The following SLC9A6 variants were observed in gnomAD, a reference collection of about 807,000 sequenced individuals.
SLC9A6 encodes sodium/hydrogen exchanger 6.
A neutral mutation model predicts 45.3 loss-of-function variants in SLC9A6; 6 were observed. The ratio of observed to expected loss-of-function variants is 0.13; its 90% confidence interval spans 0.07 to 0.26. The LOEUF (loss-of-function observed/expected upper bound fraction) is 0.26, where lower values mean the gene tolerates loss of function less well. SLC9A6 is among the 10% of genes least tolerant of loss of function. The probability of loss-of-function intolerance (pLI) is 1.00; values close to 1 mark genes in which losing one functional copy is unlikely to be tolerated. For missense variants in SLC9A6, 278 were observed against 503.7 expected, an observed-to-expected ratio of 0.55 and a Z score of 4.29; for synonymous variants, 191 against 187.7, an observed-to-expected ratio of 1.02 and a Z score of -0.14.
chrX:135,977,621 T>C (rs1393696608), intron 1 of SLC9A6, among the ~76,000 whole-genome samples: 1 of 112,090 alleles, frequency 8.9e-6, no homozygotes, highest in Non-Finnish European at 1.9e-5. Flanking sequence ...TTATATTTCG[T>C]ACAACCTCTC....
intron 10 of SLC9A6, among the ~76,000 whole-genome samples, chrX:136,015,093 G>C (rs1424418623): frequency 9.0e-6 from 1 of 111,213 alleles, no homozygotes; most frequent in Non-Finnish European, 1.9e-5. Context: ...CCAGCCCTCC[G>C]GCCACATCCG....
At chrX:135,993,589 G>A (rs148915608) in intron 2 of SLC9A6, among the ~76,000 whole-genome samples, 1 of 111,260 alleles carries the variant, frequency 9.0e-6, no homozygotes, top group Non-Finnish European at 1.9e-5. Context: ...TTCGACCTTG[G>A]TCAGGAGCCT....
chrX:135,979,480 T>C (rs1346815806), intron 1 of SLC9A6, among the ~76,000 whole-genome samples: 2 of 111,628 alleles, frequency 1.8e-5, no homozygotes, highest in African/African-American at 3.3e-5. Flanking sequence ...CTGTCCATAG[T>C]TGAGCTCTAC....
At chrX:136,013,938 C>T (rs974514239) in intron 10 of SLC9A6, among the ~76,000 whole-genome samples, 6 of 112,198 alleles carry the variant, frequency 5.3e-5, no homozygotes, top group Non-Finnish European at 7.5e-5. Context: ...TCCTTCAGTC[C>T]GCTCAGGTGC....
chrX:135,995,733 C>T (rs782031703), intron 3 of SLC9A6, among the ~76,000 whole-genome samples: 16 of 111,602 alleles, frequency 1.4e-4, no homozygotes, highest in South Asian at 7.4e-4. Context: ...TATTCTATAC[C>T]GATCACAATT....
intron 8 of SLC9A6, among the ~76,000 whole-genome samples, chrX:136,012,118 C>G (rs1038985760): frequency 1.8e-5 from 2 of 112,752 alleles, no homozygotes; most frequent in Non-Finnish European, 3.8e-5. Context: ...AAAAAAGTTT[C>G]CAGCTCTAAA....
At chrX:135,982,045 CTT>C (rs781892132), upstream of SLC9A6, among the ~76,000 whole-genome samples, 25 of 112,446 alleles carry the variant, frequency 2.2e-4, no homozygotes, top group Non-Finnish European at 3.9e-4. Flanking sequence ...TTTCATATCA[CTT>C]TCACATGTCA....
intron 2 of SLC9A6, among the ~76,000 whole-genome samples, chrX:135,988,513 TC>T (rs782333197): frequency 1.9e-5 from 2 of 105,746 alleles, no homozygotes; most frequent in African/African-American, 6.9e-5. Flanking sequence ...TTTCTTTCTT[TC>T]TCTCTCTTTC....
At chrX:135,977,830 CAG>C (rs2089269688) in intron 1 of SLC9A6, among the ~76,000 whole-genome samples, 1 of 111,439 alleles carries the variant, frequency 9.0e-6, no homozygotes, top group African/African-American at 3.3e-5. Flanking sequence ...TCTGAGTAAA[CAG>C]TACTGTGGTT....
At chrX:135,974,398 G>C (rs1361270174), upstream of SLC9A6, among the ~76,000 whole-genome samples, 1 of 45,916 alleles carries the variant, frequency 2.2e-5, no homozygotes, top group Non-Finnish European at 3.9e-5. Context: ...GGGCCGAGGG[G>C]GCGGGGAGGA....
At position 136,033,158 on chromosome X, in the gene SLC9A6, G is replaced by A. The variant is rs964966298; in HGVS notation, c.1582-256G>A. ...ATTACAGGCATGAGCCACCACACCCGGCCCCCACATTGATTTTTTAAGTGA... is the reference window on the plus strand; with the variant it reads ...ATTACAGGCATGAGCCACCACACCCAGCCCCCACATTGATTTTTTAAGTGA... On this transcript the variant is annotated intron_variant, in intron 15 of 17. Transcript: ENST00000630721. 3.8e-5 allele frequency: 9 copies of A among 236,898 alleles called. No homozygotes were observed. In the East Asian group the frequency reaches 6.8e-4, roughly 18 times the overall value. 19.5% of individuals were successfully genotyped at this position (236,898 alleles called of 1,213,427 possible).
chrX:135,993,290 G>A (rs1483143411), intron 2 of SLC9A6, among the ~76,000 whole-genome samples: 1 of 111,404 alleles, frequency 9.0e-6, no homozygotes, highest in Non-Finnish European at 1.9e-5. Context: ...TCGGGCATGG[G>A]GGAATGGAGA....
At chrX:136,006,769 T>C (rs1325078021) in intron 7 of SLC9A6, among the ~76,000 whole-genome samples, 1 of 111,394 alleles carries the variant, frequency 9.0e-6, no homozygotes, top group African/African-American at 3.3e-5. Context: ...AAAGAAGATG[T>C]ACAGAGAGAC....
intron 5 of SLC9A6, 59 bp downstream of exon 5, chrX:135,998,617 TA>T (rs2089538920): frequency 1.2e-6 from 1 of 868,774 alleles, no homozygotes; most frequent in Admixed American, 2.5e-5. Flanking sequence ...TAAAATAATA[TA>T]TTTTTGATTT....
intron 16 of SLC9A6, among the ~76,000 whole-genome samples, chrX:136,034,425 A>AG (rs782477623): frequency 8.9e-6 from 1 of 111,816 alleles, no homozygotes; most frequent in Admixed American, 9.5e-5. Flanking sequence ...TGGTGCCAAA[A>AG]GAGTTGGGGA....
chrX:136,016,313 T>G, intron 10 of SLC9A6, among the ~76,000 whole-genome samples: 1 of 110,266 alleles, frequency 9.1e-6, no homozygotes, highest in Admixed American at 9.7e-5. Flanking sequence ...CTCATCATTA[T>G]GGGTAGGAAG....
At chrX:136,034,260 G>A (rs995295856) in intron 16 of SLC9A6, among the ~76,000 whole-genome samples, 3 of 110,421 alleles carry the variant, frequency 2.7e-5, no homozygotes, top group Non-Finnish European at 3.8e-5. Context: ...ACAGGAGCCC[G>A]AACCCTGTTG....
At chrX:136,013,597 A>G (rs1038350065) in intron 10 of SLC9A6, among the ~76,000 whole-genome samples, 160 bp downstream of exon 10, 3 of 112,159 alleles carry the variant, frequency 2.7e-5, no homozygotes, top group African/African-American at 9.7e-5. Flanking sequence ...GGGATTGGCA[A>G]AATGAAGAAT....
At chrX:136,011,131 T>C (rs782096494) in intron 8 of SLC9A6, among the ~76,000 whole-genome samples, 9 of 112,761 alleles carry the variant, frequency 8.0e-5, no homozygotes, top group Non-Finnish European at 1.5e-4. Flanking sequence ...GTTATTCTTG[T>C]GTTCATGCAA....
Sources: gnomAD v4.1 joint callset for allele counts (sites outside exome capture counted in the v4.1 genomes callset) on GRCh38, gnomAD v4.1.1 for gene constraint, MANE v1.5 for transcripts, NCBI Gene and HGNC (gene_info 2026-07-23, HGNC 2026-07-21) for gene names.